The following SMURF1 variants were observed in gnomAD, a reference collection of about 807,000 sequenced individuals.
The protein encoded by SMURF1 is SMAD specific E3 ubiquitin protein ligase 1.
SMURF1 carries 44 observed loss-of-function variants against 98.0 expected under a neutral mutation model. The ratio of observed to expected loss-of-function variants is 0.45; its 90% CI spans 0.35 to 0.58. SMURF1 has a LOEUF of 0.58. Among genes scored for constraint, SMURF1 ranks in the 20% least tolerant of loss-of-function variants. SMURF1 has a pLI of 0.00. For synonymous variants in SMURF1, 396 were observed against 374.9 expected (o/e 1.06, Z -0.65); for missense variants, 687 against 938.4 (o/e 0.73, Z 3.50).
Position 99,030,524 on chromosome 7 carries a change from G to A in SMURF1, c.*60C>T. 7.1e-7 allele frequency: 1 copy of A among 1,413,432 alleles called. No homozygotes were observed. Among genetic ancestry groups the A allele is most frequent in the Non-Finnish European group, 1.0e-6 (1 of 1,000,544 alleles). The allele number at this position is 1,413,432 out of a possible 1,614,324, so 87.6% of individuals were successfully genotyped here. ...CTGCCAGCTTTGCAGGAGGTGCACA[G>A]AAGCTGGATGCTTTTGGTCTGGTGG... On this transcript the variant is annotated 3_prime_UTR_variant, in exon 18 of 18. Coordinates refer to ENST00000361368, the MANE Select transcript of SMURF1 (RefSeq NM_181349.3).
At position 99,029,770 on chromosome 7, in the gene SMURF1, C is replaced by G. The variant is rs1271936300; in HGVS notation, c.*814G>C. 6.6e-6 allele frequency: 1 copy of G among 152,086 alleles called. No individual in the cohort carries two copies. The allele number at this position is 152,086 out of a possible 1,614,324, so 9.4% of individuals were successfully genotyped here. A position where few individuals can be genotyped will look rare whatever the true frequency, so the allele number is the denominator to read the frequency against. Reference sequence around the variant, plus strand: ...CAGCTTTGGGACTGACTGGTTGGCTCTAGGGCTGATTTTGGTCTGCTCTTT... The same window carrying G: ...CAGCTTTGGGACTGACTGGTTGGCTGTAGGGCTGATTTTGGTCTGCTCTTT... On this transcript the variant is annotated 3_prime_UTR_variant, in exon 18 of 18. Coordinates refer to ENST00000361368, the MANE Select transcript of SMURF1 (RefSeq NM_181349.3).
chr7:99,034,739 G>C (rs1795065049), intron 16 of SMURF1, among the ~76,000 whole-genome samples: 1 of 152,136 alleles, frequency 6.6e-6, no homozygotes, highest in Non-Finnish European at 1.5e-5. Context: ...TATCCATGCT[G>C]GGCCCCCAGC....
intron 1 of SMURF1, among the ~76,000 whole-genome samples, chr7:99,108,104 T>C (rs368464123): frequency 2.6e-5 from 4 of 152,272 alleles, no homozygotes; most frequent in African/African-American, 9.6e-5. Context: ...CTCATCACAC[T>C]GTAATGAAAT....
At chr7:99,055,730 T>C (rs1372867417) in intron 5 of SMURF1, among the ~76,000 whole-genome samples, 2 of 151,964 alleles carry the variant, frequency 1.3e-5, no homozygotes, top group Non-Finnish European at 2.9e-5. Context: ...TCTGGGAGGC[T>C]AAGGCGGGCG....
chr7:99,041,625 C>T (rs1263690349), intron 12 of SMURF1, among the ~76,000 whole-genome samples: 1 of 152,248 alleles, frequency 6.6e-6, no homozygotes, highest in African/African-American at 2.4e-5. Context: ...CGTGGTGCCA[C>T]AGGAGGAGTC....
chr7:99,066,053 A>G (rs1022563031), intron 1 of SMURF1, among the ~76,000 whole-genome samples: 1 of 152,038 alleles, frequency 6.6e-6, no homozygotes, highest in Non-Finnish European at 1.5e-5. Context: ...TCAAAAAAAA[A>G]AAAAGGCACA....
chr7:99,120,996 C>A (rs995968770), intron 1 of SMURF1: 1 of 151,060 alleles, frequency 6.6e-6, no homozygotes, highest in Non-Finnish European at 1.5e-5. Context: ...ATTTTCTTTA[C>A]AAGATTTCTA....
intron 6 of SMURF1, 58 bp downstream of exon 6, chr7:99,054,732 G>T: frequency 6.7e-7 from 1 of 1,491,120 alleles, no homozygotes; most frequent in Non-Finnish European, 9.3e-7. Context: ...CTTTCCTATA[G>T]GCCGAGAGGT....
chr7:99,056,828 C>T (rs1795886449), intron 5 of SMURF1, among the ~76,000 whole-genome samples: 1 of 152,034 alleles, frequency 6.6e-6, no homozygotes, highest in Non-Finnish European at 1.5e-5. Context: ...CATGGTGAAA[C>T]TCCGCCTCTA....
Position 99,029,483 on chromosome 7 carries a change from G to A in SMURF1, c.*1101C>T, listed in dbSNP as rs1794808028. The A allele has an allele frequency of 6.6e-6, 1 of 152,232 alleles. No homozygotes were observed. Among genetic ancestry groups the A allele is most frequent in the South Asian group, 2.1e-4 (1 of 4,830 alleles). The allele number at this position is 152,232 out of a possible 1,614,324, so 9.4% of individuals were successfully genotyped here. A position where few individuals can be genotyped will look rare whatever the true frequency, so the allele number is the denominator to read the frequency against. ...TGCCACTGGGAAAGGGGCCACATGA[G>A]GCAGTGAGTGTGAAGTCGTCCCCCT... On this transcript the variant is annotated 3_prime_UTR_variant, in exon 18 of 18. Coordinates refer to ENST00000361368, the MANE Select transcript of SMURF1 (RefSeq NM_181349.3).
intron 1 of SMURF1, 90 bp from the exon 2 acceptor site, chr7:99,061,927 T>TA: frequency 3.2e-6 from 3 of 944,070 alleles, no homozygotes; most frequent in Non-Finnish European, 4.7e-6. Flanking sequence ...AAAAAGACTC[T>TA]AAAAATTAGC....
chr7:99,085,427 T>C (rs1162648880), intron 1 of SMURF1, among the ~76,000 whole-genome samples: 1 of 150,962 alleles, frequency 6.6e-6, no homozygotes, highest in Non-Finnish European at 1.5e-5. Flanking sequence ...TCAGAAGCCG[T>C]CATGCTTCCT....
chr7:99,141,492 C>T (rs1038905853), intron 1 of SMURF1, among the ~76,000 whole-genome samples: 1 of 152,112 alleles, frequency 6.6e-6, no homozygotes, highest in Non-Finnish European at 1.5e-5. Flanking sequence ...TTTTATCTTA[C>T]CACATAAATA....
intron 1 of SMURF1, among the ~76,000 whole-genome samples, chr7:99,132,990 T>C (rs1797905576): frequency 6.6e-6 from 1 of 152,106 alleles, no homozygotes; most frequent in African/African-American, 2.4e-5. Context: ...GATGGGTGGA[T>C]GCGGCTAGAA....
intron 1 of SMURF1, among the ~76,000 whole-genome samples, chr7:99,134,719 T>A (rs1797951455): frequency 6.6e-6 from 1 of 152,166 alleles, no homozygotes; most frequent in Non-Finnish European, 1.5e-5. Flanking sequence ...AGCATTTTAC[T>A]CCTATTTTAA....
rs575170765 is a variant in SMURF1, at chr7:99,128,607, C to T, written c.55+15119G>A. Among the ~76,000 whole-genome samples the T allele has an allele frequency of 2.6e-5, 4 of 152,282 alleles. No individual in the cohort carries two copies. In the East Asian group the frequency reaches 7.7e-4, roughly 29 times the overall value. ...TGACTATCATTCAAGCTCTATAATA[C>T]CCTGTCCACATTTAAATTTTAGTGG... is the stretch of plus-strand genomic sequence containing the variant. On this transcript the variant is annotated intron_variant, in intron 1 of 17. Coordinates refer to ENST00000361368, the MANE Select transcript of SMURF1 (RefSeq NM_181349.3).
intron 1 of SMURF1, among the ~76,000 whole-genome samples, chr7:99,062,307 A>G (rs757542627): frequency 1.8e-4 from 27 of 152,098 alleles, no homozygotes; most frequent in Admixed American, 6.6e-5. Flanking sequence ...CACCCAGCCT[A>G]CCGATATTCT....
chr7:99,087,131 AG>A (rs1483708021), intron 1 of SMURF1, among the ~76,000 whole-genome samples: 50 of 152,250 alleles, frequency 3.3e-4, no homozygotes, highest in African/African-American at 1.2e-3. Context: ...AAACTTTGGG[AG>A]GTCAAGGGGG....
intron 12 of SMURF1, among the ~76,000 whole-genome samples, chr7:99,041,750 C>A (rs191700584): frequency 6.6e-6 from 1 of 152,226 alleles, no homozygotes; most frequent in Non-Finnish European, 1.5e-5. Flanking sequence ...AAAGCTAGTT[C>A]TGGAAAGATT....
Sources: gnomAD v4.1 joint callset for allele counts (sites outside exome capture counted in the v4.1 genomes callset) on GRCh38, gnomAD v4.1.1 for gene constraint, MANE v1.5 for transcripts, NCBI Gene and HGNC (gene_info 2026-07-23, HGNC 2026-07-21) for gene names.